PCNX2: variants seen among roughly 807,000 people sequenced by gnomAD.
PCNX2 encodes pecanex 2, also known as pecanex-like protein 2.
Under a neutral mutation model 223.8 loss-of-function variants are expected in PCNX2, and 168 were observed. The observed-to-expected ratio is 0.75, with a 90% CI of 0.66 to 0.85. The LOEUF (loss-of-function observed/expected upper bound fraction) is 0.85, where lower values mean the gene tolerates loss of function less well. Among genes scored for constraint, PCNX2 ranks in the 40% least tolerant of loss-of-function variants. The probability of loss-of-function intolerance (pLI) is 0.00; values close to 1 mark genes in which losing one functional copy is unlikely to be tolerated. For synonymous variants in PCNX2, 1,006 were observed against 1,052.6 expected (o/e 0.96, Z 0.86); for missense variants, 2,507 against 2,675.5 (o/e 0.94, Z 1.39).
At chr1:233,002,755 T>C (rs571981661) in intron 28 of PCNX2, among the ~76,000 whole-genome samples, 2 of 152,224 alleles carry the variant, frequency 1.3e-5, no homozygotes, top group South Asian at 4.2e-4. Flanking sequence ...CTTCAAACTA[T>C]ACTACAAGGC....
chr1:233,078,264 T>C (rs1024916236), intron 23 of PCNX2, among the ~76,000 whole-genome samples: 1 of 152,222 alleles, frequency 6.6e-6, no homozygotes, highest in Non-Finnish European at 1.5e-5. Context: ...ACTTGGAGTA[T>C]TGGCCGATCT....
rs141896668 is a variant in PCNX2, at chr1:233,181,699, T to C, written c.3067-2524A>G. ...AAGGTGCAGGAAGGAGAAGGTTTGT[T>C]GTCTGGGGAGGCCCTGCTTCCTGAC... On this transcript the variant is annotated intron_variant, in intron 15 of 33. Coordinates refer to ENST00000258229, the MANE Select transcript of PCNX2 (RefSeq NM_014801.4). 1.9e-3 allele frequency among the ~76,000 whole-genome samples: 291 copies of C among 152,286 alleles called. 8 individuals are homozygous for C. In the East Asian group the frequency reaches 0.054, roughly 28 times the overall value.
At chr1:233,014,296 A>G (rs1386796137) in intron 28 of PCNX2, among the ~76,000 whole-genome samples, 2 of 152,104 alleles carry the variant, frequency 1.3e-5, no homozygotes, top group South Asian at 2.1e-4. Context: ...TATGAAGACA[A>G]TTAGGGGAAA....
chr1:233,188,420 C>T (rs529521817), intron 15 of PCNX2, among the ~76,000 whole-genome samples: 1 of 152,310 alleles, frequency 6.6e-6, no homozygotes, highest in Non-Finnish European at 1.5e-5. Flanking sequence ...AGGGTCTCTA[C>T]TGCTTTTTCT....
At chr1:233,214,202 C>T (rs189760218) in intron 12 of PCNX2, among the ~76,000 whole-genome samples, 172 of 152,252 alleles carry the variant, frequency 1.1e-3, no homozygotes, top group Non-Finnish European at 2.2e-3. Context: ...AAAAATACTG[C>T]TAACAATTGC....
intron 23 of PCNX2, among the ~76,000 whole-genome samples, chr1:233,070,900 G>A (rs1672825298): frequency 6.6e-6 from 1 of 152,132 alleles, no homozygotes; most frequent in African/African-American, 2.4e-5. Flanking sequence ...AGCCAGGTTT[G>A]GTGGCGGGCG....
At chr1:233,008,326 C>G (rs1343526381) in intron 28 of PCNX2, among the ~76,000 whole-genome samples, 3 of 152,174 alleles carry the variant, frequency 2.0e-5, no homozygotes, top group Admixed American at 1.3e-4. Flanking sequence ...TTCACTTCCT[C>G]TAGAGTTCGG....
chr1:233,086,939 C>A (rs1338852014), intron 23 of PCNX2: 1 of 825,962 alleles, frequency 1.2e-6, no homozygotes, highest in Non-Finnish European at 1.5e-6. Context: ...GGACAGCTAT[C>A]CTAGAGCTAT....
chr1:233,211,916 G>A (rs1162701952), intron 12 of PCNX2: 28 of 637,866 alleles, frequency 4.4e-5, no homozygotes, highest in Middle Eastern at 1.6e-3. Context: ...CCTAACTTGC[G>A]GAAGGTGTCG....
At chr1:233,068,093 A>G (rs1256432685) in intron 23 of PCNX2, among the ~76,000 whole-genome samples, 1 of 152,188 alleles carries the variant, frequency 6.6e-6, no homozygotes, top group Non-Finnish European at 1.5e-5. Context: ...CTTATCTAAA[A>G]AGGAAAAATT....
chr1:233,114,931 G>C (rs1358005194), intron 21 of PCNX2, among the ~76,000 whole-genome samples: 1 of 152,054 alleles, frequency 6.6e-6, no homozygotes, highest in Non-Finnish European at 1.5e-5. Context: ...TGAAGATCAA[G>C]AAACATCCCC....
chr1:233,092,568 G>C (rs1347555785), intron 22 of PCNX2, among the ~76,000 whole-genome samples: 1 of 152,100 alleles, frequency 6.6e-6, no homozygotes, highest in Non-Finnish European at 1.5e-5. Flanking sequence ...GATCTTTTTT[G>C]GGGGGAAGAT....
At chr1:233,042,822 C>T (rs899798894) in intron 25 of PCNX2, among the ~76,000 whole-genome samples, 1 of 152,088 alleles carries the variant, frequency 6.6e-6, no homozygotes, top group Non-Finnish European at 1.5e-5. Flanking sequence ...ATGCAAGTGA[C>T]AAAATGAATT....
intron 28 of PCNX2, among the ~76,000 whole-genome samples, chr1:233,005,920 C>T (rs1311298715): frequency 6.6e-6 from 1 of 152,134 alleles, no homozygotes; most frequent in Admixed American, 6.5e-5. Flanking sequence ...CTAAAACAGC[C>T]CCCACTCGCA....
intron 23 of PCNX2, among the ~76,000 whole-genome samples, chr1:233,059,003 G>A (rs1672302690): frequency 6.6e-6 from 1 of 152,010 alleles, no homozygotes; most frequent in Non-Finnish European, 1.5e-5. Context: ...TGCTTTCTTT[G>A]CTCCAAGCCT....
At chr1:233,233,528 G>A (rs1658199385) in intron 9 of PCNX2, among the ~76,000 whole-genome samples, 1 of 151,258 alleles carries the variant, frequency 6.6e-6, no homozygotes, top group African/African-American at 2.4e-5. Context: ...TCCCCTTTCA[G>A]GGACACTTCA....
chr1:233,075,696 A>ACACACACAC (rs1673058744), intron 23 of PCNX2, among the ~76,000 whole-genome samples: 1 of 137,242 alleles, frequency 7.3e-6, no homozygotes, highest in African/African-American at 2.8e-5. Context: ...GTTAGCTTAA[A>ACACACACAC]ACACACACAC....
chr1:233,277,826 G>A (rs1432100323), intron 1 of PCNX2, among the ~76,000 whole-genome samples: 1 of 152,122 alleles, frequency 6.6e-6, no homozygotes, highest in African/African-American at 2.4e-5. Context: ...GAAAGGAGAT[G>A]ATGAAATATA....
intron 15 of PCNX2, among the ~76,000 whole-genome samples, chr1:233,194,086 T>C (rs1314781932): frequency 2.2e-4 from 33 of 150,018 alleles, no homozygotes; most frequent in Admixed American, 2.1e-3. Flanking sequence ...AAAAACGCCA[T>C]ACACTTAGTC....
Sources: gnomAD v4.1 joint callset for allele counts (sites outside exome capture counted in the v4.1 genomes callset) on GRCh38, gnomAD v4.1.1 for gene constraint, MANE v1.5 for transcripts, NCBI Gene and HGNC (gene_info 2026-07-23, HGNC 2026-07-21) for gene names.